The following RAB41 variants were observed in gnomAD, a reference collection of about 807,000 sequenced individuals.
RAB41 encodes the protein RAB41, member RAS oncogene family.
In RAB41, 15 loss-of-function variants were observed where a neutral mutation model predicts 19.0. That is an observed-to-expected ratio of 0.79 (90% confidence interval 0.53 to 1.21). The LOEUF (loss-of-function observed/expected upper bound fraction) is 1.21, where lower values mean the gene tolerates loss of function less well. RAB41 is among the 50% of genes most tolerant of loss of function. RAB41 has a pLI of 0.00. For missense variants in RAB41, 177 were observed against 179.7 expected (o/e 0.99, Z 0.09); for synonymous variants, 73 against 64.7 (o/e 1.13, Z -0.62).
Position 70,283,534 on chromosome X carries a change from C to T in RAB41, c.365C>T (p.Thr122Ile). 1 of 1,206,004 alleles carries T rather than the reference C, an allele frequency of 8.3e-7. No individual in the cohort carries two copies. The highest frequency in any genetic ancestry group is 1.1e-6 in the Non-Finnish European group (1 of 890,113). ...GCAGACATCAATTCTTTTAAGGAGA[C>T]AGATAAGTGGGTAGAACACGTGCGA... ...DITNINSFKE[T>I]DKWVEHVRAE... Residue 122 changes from threonine (T) to isoleucine (I), a missense_variant, in exon 5 of 8, where the codon ACA (threonine) becomes ATA (isoleucine). Transcript: ENST00000374473.
At chrX:70,283,723 C>A (rs1004854740) in intron 5 of RAB41, 99 bp downstream of exon 5, 1 of 600,025 alleles carries the variant, frequency 1.7e-6, no homozygotes, top group Non-Finnish European at 2.8e-6. Context: ...TTACCTTAGT[C>A]CCCTCTGCCC....
intron 2 of RAB41, 58 bp from the exon 3 acceptor site, chrX:70,282,744 G>C: frequency 4.3e-6 from 5 of 1,161,182 alleles, no homozygotes; most frequent in Non-Finnish European, 5.9e-6. Flanking sequence ...TGGGTTCTAA[G>C]ACTGCCTCAT....
At chrX:70,283,481 G>A (rs1222937483) in intron 4 of RAB41, 32 bp from the exon 5 acceptor site, 2 of 1,142,046 alleles carry the variant, frequency 1.8e-6, no homozygotes, top group East Asian at 3.0e-5. Context: ...TCTCCTAAAT[G>A]TTTCAACGCT....
intron 5 of RAB41, 116 bp from the exon 6 acceptor site, chrX:70,283,834 G>A: frequency 8.9e-6 from 5 of 563,593 alleles, no homozygotes; most frequent in Non-Finnish European, 1.5e-5. Flanking sequence ...TAGTCAGAAG[G>A]GTCATGGGTT....
Position 70,284,970 on chromosome X carries a change from C to T in RAB41, c.*327C>T. On this transcript the variant is annotated 3_prime_UTR_variant, in exon 8 of 8. Transcript: ENST00000374473. ...ATTCTCCACTGTTTGTTGTTGTTTA[C>T]CTACACCCTCAATAAATGGTTCTTT... is the stretch of plus-strand genomic sequence containing the variant. The T allele has an allele frequency of 3.8e-6, 1 of 262,976 alleles. No individual in the cohort carries two copies. Among genetic ancestry groups the T allele is most frequent in the South Asian group, 8.3e-5 (1 of 11,996 alleles). 21.7% of individuals were successfully genotyped at this position (262,976 alleles called of 1,213,427 possible). A position where few individuals can be genotyped will look rare whatever the true frequency, so the allele number is the denominator to read the frequency against.
At chrX:70,283,189 T>G in intron 3 of RAB41, 79 bp from the exon 4 acceptor site, 3 of 839,780 alleles carry the variant, frequency 3.6e-6, no homozygotes, top group Non-Finnish European at 5.2e-6. Context: ...TATTCTGCCT[T>G]TATTAGGTTT....
chrX:70,282,400 G>C (rs747174664), intron 1 of RAB41, 59 bp downstream of exon 1: 159 of 1,184,410 alleles, frequency 1.3e-4, no homozygotes, highest in Non-Finnish European at 1.6e-4. Context: ...AAATGGGGTG[G>C]GGCATTCTCT....
At chrX:70,284,240 T>C (rs774076919) in intron 6 of RAB41, 26 bp from the exon 7 acceptor site, 9 of 1,184,697 alleles carry the variant, frequency 7.6e-6, no homozygotes, top group Admixed American at 2.4e-5. Flanking sequence ...TTTTTTTTTT[T>C]GGTCCCCATT....
Position 70,282,195 on chromosome X carries a change from T to G in RAB41, c.-23T>G. 2 of 1,210,964 alleles carry G rather than the reference T, an allele frequency of 1.7e-6. No homozygotes were observed. Among genetic ancestry groups the G allele is most frequent in the Non-Finnish European group, 2.2e-6 (2 of 894,748 alleles). On this transcript the variant is annotated 5_prime_UTR_variant, in exon 1 of 8. Coordinates refer to ENST00000374473, the MANE Select transcript of RAB41 (RefSeq NM_001363807.1). ...CTCAGGCTGAGCGTTGGAAGCCATT[T>G]TGGCTGCAACCTACCTGAAGCGATG...
chrX:70,282,721 T>A, intron 2 of RAB41, 81 bp from the exon 3 acceptor site: 2 of 1,102,197 alleles, frequency 1.8e-6, no homozygotes, highest in African/African-American at 1.8e-5. Context: ...TCTTGAAGGG[T>A]CATTCTCCAC....
At chrX:70,282,734 T>C (rs1466954258) in intron 2 of RAB41, 68 bp from the exon 3 acceptor site, 3 of 1,131,218 alleles carry the variant, frequency 2.7e-6, no homozygotes, top group Non-Finnish European at 3.6e-6. Flanking sequence ...TTCTCCACTT[T>C]GGGTTCTAAG....
At position 70,284,450 on chromosome X, in the gene RAB41, T is replaced by C. The variant is rs1342109114; in HGVS notation, c.613+121T>C. On this transcript the variant is annotated intron_variant, in intron 7 of 7. Coordinates refer to ENST00000374473, the MANE Select transcript of RAB41 (RefSeq NM_001363807.1). The stretch of plus-strand genomic sequence containing the variant: ...AAATGGGACTAACTTTAGCCCAAAG[T>C]AGTTCCTTCGTTTGCCTTTAGGTGA... The C allele has an allele frequency of 4.2e-6, 4 of 944,819 alleles. No individual in the cohort carries two copies. The East Asian group carries it at 9.3e-5, about 22-fold the overall frequency. 77.9% of individuals were successfully genotyped at this position (944,819 alleles called of 1,213,427 possible). A position where few individuals can be genotyped will look rare whatever the true frequency, so the allele number is the denominator to read the frequency against.
rs141218284 is a variant in RAB41, at chrX:70,283,553, C to T, written c.384C>T (p.His128=). Reference sequence around the variant, plus strand: ...AGGAGACAGATAAGTGGGTAGAACACGTGCGAGCAGAAAGAGGTGACGATG... The same window carrying T: ...AGGAGACAGATAAGTGGGTAGAACATGTGCGAGCAGAAAGAGGTGACGATG... ...SFKETDKWVE[H]VRAERGDDVV... Residue 128 remains histidine (H), a synonymous_variant, in exon 5 of 8, where the codon CAC becomes CAT. Transcript: ENST00000374473. 6 of 1,209,078 alleles carry T rather than the reference C, an allele frequency of 5.0e-6. No homozygotes were observed. The highest frequency in any genetic ancestry group is 3.0e-5 in the East Asian group (1 of 33,857).
chrX:70,283,812 G>C (rs1282068204), intron 5 of RAB41, 138 bp from the exon 6 acceptor site: 4 of 529,402 alleles, frequency 7.6e-6, no homozygotes, highest in Non-Finnish European at 1.3e-5. Context: ...ATAGGAGAGA[G>C]TCCCCACCCT....
At position 70,282,809 on chromosome X, in the gene RAB41, T is replaced by C; in HGVS notation, c.191T>C (p.Val64Ala). 6.6e-6 allele frequency: 8 copies of C among 1,210,461 alleles called. No individual in the cohort carries two copies. Among genetic ancestry groups the C allele is most frequent in the Non-Finnish European group, 7.8e-6 (7 of 894,204 alleles). ...NSFGCACQAT[V>A]GIDFLSKTMY... is the part of the protein sequence containing the mutation. Reference sequence around the variant, plus strand: ...TCTGATTTTCTTTTGCAGGCAACTGTTGGAATTGACTTCTTGTCTAAGACC... The same window carrying C: ...TCTGATTTTCTTTTGCAGGCAACTGCTGGAATTGACTTCTTGTCTAAGACC... Residue 64 changes from valine to alanine, a missense_variant, in exon 3 of 8, where the codon GTT (valine) becomes GCT (alanine). Coordinates refer to ENST00000374473, the MANE Select transcript of RAB41 (RefSeq NM_001363807.1).
rs368216498 is a variant in RAB41 at position 70,282,535 on chromosome X, G to C, written c.127G>C (p.Gly43Arg). ...KLLFLGEQSV[G>R]KTSIISRFMY... ...TGGCCTGCTTATCTCCCTCACAGTA[G>C]GGAAGACATCCATCATCAGCCGCTT... Residue 43 changes from glycine to arginine, a missense_variant and splice_region_variant, in exon 2 of 8, where the codon GGG becomes CGG. Coordinates refer to ENST00000374473, the MANE Select transcript of RAB41 (RefSeq NM_001363807.1). 8.3e-7 allele frequency: 1 copy of C among 1,208,862 alleles called. No homozygotes were observed. The highest frequency in any genetic ancestry group is 1.1e-6 in the Non-Finnish European group (1 of 894,482).
At chrX:70,284,220 T>C (rs2085705100) in intron 6 of RAB41, 46 bp from the exon 7 acceptor site, 5 of 1,167,903 alleles carry the variant, frequency 4.3e-6, no homozygotes, top group Non-Finnish European at 5.8e-6. Context: ...GACCTTTTTT[T>C]TTTCCCCTTT....
rs1355112821 is a variant in RAB41 at position 70,283,508 on chromosome X, T to C, written c.344-5T>C. 5.1e-6 allele frequency: 6 copies of C among 1,184,633 alleles called. No individual in the cohort carries two copies. The highest frequency in any genetic ancestry group is 5.7e-6 in the Non-Finnish European group (5 of 871,671). ...TTCAACGCTCTGGAACATATTCTCT[T>C]GCAGACATCAATTCTTTTAAGGAGA... is the stretch of plus-strand genomic sequence containing the variant. On this transcript the variant is annotated splice_polypyrimidine_tract_variant and splice_region_variant and intron_variant, in intron 4 of 7. Coordinates refer to ENST00000374473, the MANE Select transcript of RAB41 (RefSeq NM_001363807.1).
Position 70,284,840 on chromosome X carries a change from T to C in RAB41, c.*197T>C. ...CTCACAGCTACTGGGTGGAAGCTTC[T>C]TGCAGCACCTGGGAATTCTACCTTA... On this transcript the variant is annotated 3_prime_UTR_variant, in exon 8 of 8. Coordinates refer to ENST00000374473, the MANE Select transcript of RAB41 (RefSeq NM_001363807.1). 1 of 442,837 alleles carries C rather than the reference T, an allele frequency of 2.3e-6. No individual in the cohort carries two copies. The highest frequency in any genetic ancestry group is 4.0e-6 in the Non-Finnish European group (1 of 251,056). 36.5% of individuals were successfully genotyped at this position (442,837 alleles called of 1,213,427 possible).
Sources: gnomAD v4.1 joint callset for allele counts on GRCh38, gnomAD v4.1.1 for gene constraint, MANE v1.5 for transcripts, NCBI Gene and HGNC (gene_info 2026-07-23, HGNC 2026-07-21) for gene names.